The following ZNF470 variants were observed in gnomAD, a reference collection of about 807,000 sequenced individuals.
ZNF470 encodes the protein chondrogenesis zinc finger protein 1.
Under a neutral mutation model 13.9 loss-of-function variants are expected in ZNF470, and 13 were observed. That is an observed-to-expected ratio of 0.94 (90% CI 0.61 to 1.49). The LOEUF (loss-of-function observed/expected upper bound fraction) is 1.49. Ranked by LOEUF, ZNF470 falls within the 40% of genes most tolerant of loss-of-function variation. The pLI, the probability that ZNF470 is intolerant of heterozygous loss-of-function variation, is 0.00. For synonymous variants in ZNF470, 293 were observed against 282.9 expected (o/e 1.04, Z -0.36); for missense variants, 929 against 857.3 (o/e 1.08, Z -1.04).
intron 3 of ZNF470, among the ~76,000 whole-genome samples, chr19:56,570,822 T>C (rs548741246): frequency 1.8e-4 from 28 of 152,300 alleles, no homozygotes; most frequent in African/African-American, 6.5e-4. Context: ...AGTGGAATAC[T>C]TGGGAAGGGC....
At position 56,581,990 on chromosome 19, in the gene ZNF470, C is replaced by T. The variant is rs914097527; in HGVS notation, c.*3407C>T. 242 of 985,238 alleles carry T rather than the reference C, an allele frequency of 2.5e-4. No homozygotes were observed. Among genetic ancestry groups the T allele is most frequent in the Admixed American group, 5.5e-4 (9 of 16,256 alleles). The allele number at this position is 985,238 out of a possible 1,614,324, so 61.0% of individuals were successfully genotyped here. ...TTGTCTTTCCGGTACTTGATTTTTG[C>T]CTCCTGTTGGTCAGTTGCTTGCAAG... On this transcript the variant is annotated 3_prime_UTR_variant, in exon 6 of 6. Coordinates refer to ENST00000330619, the MANE Select transcript of ZNF470 (RefSeq NM_001001668.4).
Position 56,580,159 on chromosome 19 carries a change from G to C in ZNF470, c.*1576G>C. On this transcript the variant is annotated 3_prime_UTR_variant, in exon 6 of 6. Transcript: ENST00000330619. ...ACCTTACTATCCCCAGAACATGTTG[G>C]TATTAGAGGATGAGGGAAGAACTAG... 1.0e-6 allele frequency: 1 copy of C among 984,044 alleles called. No homozygotes were observed. Among genetic ancestry groups the C allele is most frequent in the Non-Finnish European group, 1.2e-6 (1 of 829,448 alleles). The allele number at this position is 984,044 out of a possible 1,614,324, so 61.0% of individuals were successfully genotyped here. A position where few individuals can be genotyped will look rare whatever the true frequency, so the allele number is the denominator to read the frequency against.
Position 56,581,777 on chromosome 19 carries a change from T to C in ZNF470, c.*3194T>C, listed in dbSNP as rs1384378937. 1 of 985,330 alleles carries C rather than the reference T, an allele frequency of 1.0e-6. No individual in the cohort carries two copies. Among genetic ancestry groups the C allele is most frequent in the Non-Finnish European group, 1.2e-6 (1 of 829,932 alleles). 61.0% of individuals were successfully genotyped at this position (985,330 alleles called of 1,614,324 possible). A position where few individuals can be genotyped will look rare whatever the true frequency, so the allele number is the denominator to read the frequency against. On this transcript the variant is annotated 3_prime_UTR_variant, in exon 6 of 6. Transcript: ENST00000330619. The stretch of plus-strand genomic sequence containing the variant: ...ATCTCATCTTTTCCTTTTGAGTAAC[T>C]GGCCATACCCTACCATATGTTTTTG...
chr19:56,581,427 G>A lies in ZNF470; in HGVS notation c.*2844G>A. The A allele has an allele frequency of 1.0e-6, 1 of 965,160 alleles. No homozygotes were observed. Among genetic ancestry groups the A allele is most frequent in the Non-Finnish European group, 1.2e-6 (1 of 811,650 alleles). The allele number at this position is 965,160 out of a possible 1,614,324, so 59.8% of individuals were successfully genotyped here. ...ATACCCTTTGAATTAATATTCCTTG[G>A]AAACCAACATATACAAAGGTAGATA... On this transcript the variant is annotated 3_prime_UTR_variant, in exon 6 of 6. Transcript: ENST00000330619.
intron 3 of ZNF470, among the ~76,000 whole-genome samples, chr19:56,572,125 C>A (rs187170434): frequency 1.0e-3 from 156 of 150,520 alleles, no homozygotes; most frequent in Admixed American, 2.8e-3. Context: ...GGACTATGCA[C>A]ACTCCACTCT....
rs748673083 is a variant in ZNF470, at chr19:56,578,312, A to G, written c.1883A>G (p.Lys628Arg). 7.4e-6 allele frequency: 12 copies of G among 1,613,208 alleles called. No individual in the cohort carries two copies. Among genetic ancestry groups the G allele is most frequent in the Non-Finnish European group, 1.0e-5 (12 of 1,179,544 alleles). ...CCTTATGAATGTAATGTTTGTGGGA[A>G]AGCCTTTAGCCATCGTAAATCCCTT... The part of the protein sequence containing the change: ...EKPYECNVCG[K>R]AFSHRKSLTL... The change falls in exon 6 of 6, where the codon AAA (lysine) becomes AGA (arginine). Residue 628 changes from lysine (K) to arginine (R), a missense_variant. By Grantham distance (26) the Lys-to-Arg change is conservative. Coordinates refer to ENST00000330619, the MANE Select transcript of ZNF470 (RefSeq NM_001001668.4).
At position 56,572,883 on chromosome 19, in the gene ZNF470, A is replaced by G. The variant is rs142709959; in HGVS notation, c.61-1511A>G. ...CTGCCAGAATTCTGCAAGAATCACTAAAGGGAGTTCTTCAGATAGAAATTA... is the reference window on the plus strand; with the variant it reads ...CTGCCAGAATTCTGCAAGAATCACTGAAGGGAGTTCTTCAGATAGAAATTA... On this transcript the variant is annotated intron_variant, in intron 3 of 5. Coordinates refer to ENST00000330619, the MANE Select transcript of ZNF470 (RefSeq NM_001001668.4). Among the ~76,000 whole-genome samples the G allele has an allele frequency of 4.6e-3, 705 of 152,342 alleles. 1 individual carries two copies. Among genetic ancestry groups the G allele is most frequent in the African/African-American group, 0.016 (674 of 41,572 alleles).
intron 2 of ZNF470, among the ~76,000 whole-genome samples, chr19:56,569,759 G>GT (rs1385627419): frequency 6.6e-6 from 1 of 152,030 alleles, no homozygotes; most frequent in African/African-American, 2.4e-5. Flanking sequence ...ACTCCAGGAG[G>GT]TTGACACCTC....
chr19:56,568,099 CT>C (rs2044424760), intron 1 of ZNF470, 61 bp downstream of exon 1: 2 of 985,930 alleles, frequency 2.0e-6, no homozygotes, highest in Non-Finnish European at 2.4e-6. Flanking sequence ...TGGGTGCTGT[CT>C]TTCGGGGTTC....
Position 56,582,748 on chromosome 19 carries a change from G to A in ZNF470, c.*4165G>A, listed in dbSNP as rs984786556. On this transcript the variant is annotated 3_prime_UTR_variant, in exon 6 of 6. Transcript: ENST00000330619. ...GTTTGTCTCTCCACATGTGCACAGAGGAAATGCTGTGTAAGGACACAACAA... is the reference window on the plus strand; with the variant it reads ...GTTTGTCTCTCCACATGTGCACAGAAGAAATGCTGTGTAAGGACACAACAA... The A allele has an allele frequency of 5.1e-6, 1 of 197,806 alleles. No homozygotes were observed. Among genetic ancestry groups the A allele is most frequent in the African/African-American group, 2.4e-5 (1 of 42,198 alleles). 12.3% of individuals were successfully genotyped at this position (197,806 alleles called of 1,614,324 possible). A position where few individuals can be genotyped will look rare whatever the true frequency, so the allele number is the denominator to read the frequency against.
Position 56,577,664 on chromosome 19 carries a change from T to C in ZNF470, c.1235T>C (p.Leu412Pro), listed in dbSNP as rs1173902425. Residue 412 changes from leucine to proline, a missense_variant, in exon 6 of 6, where the codon CTT (leucine) becomes CCT (proline). Transcript: ENST00000330619. ...CGKAFTDHIGLIQHKRTHTGE... is the reference protein window; with the variant it reads ...CGKAFTDHIGPIQHKRTHTGE... ...AAGGCTTTCACTGATCACATAGGAC[T>C]TATTCAGCATAAGAGAACTCATACT... The C allele has an allele frequency of 6.2e-7, 1 of 1,611,038 alleles. No homozygotes were observed. Among genetic ancestry groups the C allele is most frequent in the African/African-American group, 1.3e-5 (1 of 74,832 alleles).
intron 3 of ZNF470, among the ~76,000 whole-genome samples, chr19:56,571,261 T>C (rs995721931): frequency 6.6e-6 from 1 of 152,230 alleles, no homozygotes; most frequent in African/African-American, 2.4e-5. Flanking sequence ...TGTTGTTCCG[T>C]AGGTAAATTG....
chr19:56,581,979 C>G lies in ZNF470; in HGVS notation c.*3396C>G. The stretch of plus-strand genomic sequence containing the variant: ...CAAACTACCCATTGTCTTTCCGGTA[C>G]TTGATTTTTGCCTCCTGTTGGTCAG... On this transcript the variant is annotated 3_prime_UTR_variant, in exon 6 of 6. Transcript: ENST00000330619. The G allele has an allele frequency of 4.1e-6, 4 of 985,402 alleles. No individual in the cohort carries two copies. Among genetic ancestry groups the G allele is most frequent in the Non-Finnish European group, 4.8e-6 (4 of 829,924 alleles). 61.0% of individuals were successfully genotyped at this position (985,402 alleles called of 1,614,324 possible). A position where few individuals can be genotyped will look rare whatever the true frequency, so the allele number is the denominator to read the frequency against.
rs1179200077 is a variant in ZNF470, at chr19:56,572,371, A to ATATGTATATATATATATAT, written c.60+2000_60+2001insTATGTATATATATATATAT. Among the ~76,000 whole-genome samples, 3 of 17,242 alleles carry ATATGTATATATATATATAT rather than the reference A, an allele frequency of 1.7e-4. No homozygotes were observed. The African/African-American group carries it at 2.5e-3, about 14-fold the overall frequency. 11.3% of individuals were successfully genotyped at this position (17,242 alleles called of 152,430 possible). ...AAAAAAAAAAAAAAAAAAAAAAAAA[A>ATATGTATATATATATATAT]ATATATATATATATATATAAATTAG... On this transcript the variant is annotated intron_variant, in intron 3 of 5. Coordinates refer to ENST00000330619, the MANE Select transcript of ZNF470 (RefSeq NM_001001668.4).
Position 56,574,748 on chromosome 19 carries a change from C to A in ZNF470, c.283+15C>A. Reference sequence around the variant, plus strand: ...CCTGTGCCCAGGTAAGTGGAGGATACCTAGAGATAAAGGAACTGTTCTCAA... The same window carrying A: ...CCTGTGCCCAGGTAAGTGGAGGATAACTAGAGATAAAGGAACTGTTCTCAA... On this transcript the variant is annotated intron_variant, in intron 5 of 5. Coordinates refer to ENST00000330619, the MANE Select transcript of ZNF470 (RefSeq NM_001001668.4). 6.2e-7 allele frequency: 1 copy of A among 1,603,318 alleles called. No homozygotes were observed. The highest frequency in any genetic ancestry group is 1.1e-5 in the South Asian group (1 of 90,128).
Position 56,574,484 on chromosome 19 carries a change from G to T in ZNF470, c.151G>T (p.Val51Leu), listed in dbSNP as rs1022360540. 7 of 1,613,818 alleles carry T rather than the reference G, an allele frequency of 4.3e-6. No individual in the cohort carries two copies. In the East Asian group the frequency reaches 1.6e-4, roughly 36 times the overall value. The change falls in exon 4 of 6, where the codon GTG (valine) becomes TTG (leucine). Residue 51 changes from valine to leucine, a missense_variant. Physicochemically the swap from Val to Leu is conservative, Grantham distance 32. Transcript: ENST00000330619. ...NLAQRSLYKK[V>L]MLENYRNLVS... Reference sequence around the variant, plus strand: ...TGCTCAGAGAAGTTTGTACAAGAAGGTGATGTTAGAAAACTACAGGAACCT... The same window carrying T: ...TGCTCAGAGAAGTTTGTACAAGAAGTTGATGTTAGAAAACTACAGGAACCT...
chr19:56,581,863 A>G lies in ZNF470; in HGVS notation c.*3280A>G, dbSNP rs1259580172. On this transcript the variant is annotated 3_prime_UTR_variant, in exon 6 of 6. Coordinates refer to ENST00000330619, the MANE Select transcript of ZNF470 (RefSeq NM_001001668.4). The stretch of plus-strand genomic sequence containing the variant: ...AAAGGCATTTGGATCTGTGTCATCC[A>G]ATGGCAACTCCCTAAAAGCTGATGC... The G allele has an allele frequency of 1.0e-6, 1 of 985,276 alleles. No homozygotes were observed. The highest frequency in any genetic ancestry group is 1.7e-5 in the African/African-American group (1 of 57,218). The allele number at this position is 985,276 out of a possible 1,614,324, so 61.0% of individuals were successfully genotyped here.
At position 56,577,103 on chromosome 19, in the gene ZNF470, A is replaced by C. The variant is rs772459914; in HGVS notation, c.674A>C (p.Lys225Thr). 1.2e-6 allele frequency: 2 copies of C among 1,608,806 alleles called. No individual in the cohort carries two copies. The highest frequency in any genetic ancestry group is 1.7e-6 in the Non-Finnish European group (2 of 1,178,694). The stretch of plus-strand genomic sequence containing the variant: ...AAACACAAGCAAGACCGTGGAGAAA[A>C]GAAACTTTTAAAATGTAATGACTGT... ...VKKHKQDRGE[K>T]KLLKCNDCEK... The change falls in exon 6 of 6, where the codon AAG becomes ACG. Residue 225 changes from lysine (K) to threonine (T), a missense_variant. Lys to Thr is a moderately conservative substitution (Grantham distance 78). Transcript: ENST00000330619.
At chr19:56,573,836 C>T (rs1357584098) in intron 3 of ZNF470, 1 of 397,610 alleles carries the variant, frequency 2.5e-6, no homozygotes, top group Non-Finnish European at 3.4e-6. Context: ...ATGTGTTCTT[C>T]TCTCCTAATA....
Sources: gnomAD v4.1 joint callset for allele counts (sites outside exome capture counted in the v4.1 genomes callset) on GRCh38, gnomAD v4.1.1 for gene constraint, MANE v1.5 for transcripts, NCBI Gene and HGNC (gene_info 2026-07-23, HGNC 2026-07-21) for gene names.